The following HTRA1 variants were observed in gnomAD, a reference collection of about 807,000 sequenced individuals.
HTRA1 encodes HtrA serine peptidase 1, also known as serine protease HTRA1.
HTRA1 carries 26 observed loss-of-function variants against 49.7 expected under a neutral mutation model. The observed-to-expected ratio is 0.52, with a 90% CI of 0.38 to 0.73. The LOEUF (loss-of-function observed/expected upper bound fraction) is 0.73. Among genes scored for constraint, HTRA1 ranks in the 30% least tolerant of loss-of-function variants. The pLI is 0.00. For missense variants in HTRA1, 561 were observed against 667.2 expected (o/e 0.84, Z 1.75); for synonymous variants, 291 against 286.9 (o/e 1.01, Z -0.14).
intron 1 of HTRA1, among the ~76,000 whole-genome samples, chr10:122,477,281 A>G (rs1376535816): frequency 6.6e-6 from 1 of 152,070 alleles, no homozygotes; most frequent in African/African-American, 2.4e-5. Flanking sequence ...GTTACTTTTA[A>G]TTTAGCCATG....
intron 6 of HTRA1, among the ~76,000 whole-genome samples, chr10:122,509,229 G>A (rs986316790): frequency 6.6e-6 from 1 of 152,178 alleles, no homozygotes; most frequent in African/African-American, 2.4e-5. Context: ...GGCCTTTGCC[G>A]GTGTGACTTT....
chr10:122,490,189 C>T lies in HTRA1; in HGVS notation c.777+563C>T, dbSNP rs1318760177. Among the ~76,000 whole-genome samples the T allele has an allele frequency of 1.3e-5, 2 of 152,224 alleles. No individual in the cohort carries two copies. The highest frequency in any genetic ancestry group is 3.8e-4 in the East Asian group (2 of 5,196). ...ACAGAGCTAATGGATTTCTTCTTTCCAGACCTTCTCAGAGCTTTTAGTATG... is the reference window on the plus strand; with the variant it reads ...ACAGAGCTAATGGATTTCTTCTTTCTAGACCTTCTCAGAGCTTTTAGTATG... On this transcript the variant is annotated intron_variant, in intron 3 of 8. Transcript: ENST00000368984. The surrounding 1 kb of genome is among the most constrained non-coding windows in gnomAD (Gnocchi z 4.2).
chr10:122,473,325 C>G (rs115182788), intron 1 of HTRA1, among the ~76,000 whole-genome samples: 2 of 152,076 alleles, frequency 1.3e-5, no homozygotes, highest in Non-Finnish European at 2.9e-5. Context: ...AGCTAAGAGG[C>G]GACAGAGAAC....
rs140880378 is a variant in HTRA1, at chr10:122,490,641, T to C, written c.777+1015T>C. Among the ~76,000 whole-genome samples the C allele has an allele frequency of 3.9e-3, 593 of 152,196 alleles. 2 individuals are homozygous for C. The highest frequency in any genetic ancestry group is 0.014 in the African/African-American group (563 of 41,518). On this transcript the variant is annotated intron_variant, in intron 3 of 8. Coordinates refer to ENST00000368984, the MANE Select transcript of HTRA1 (RefSeq NM_002775.5). This position sits in a 1 kb window ranked among gnomAD's most constrained non-coding sequence, Gnocchi z 4.2. ...GGAAAAGACCAGAGGCTGAGCCAGG[T>C]GGGGTCTCTTGTCCAGCCCTCTGCT...
At chr10:122,493,955 G>T (rs147307600) in intron 3 of HTRA1, among the ~76,000 whole-genome samples, 274 of 151,696 alleles carry the variant, frequency 1.8e-3, no homozygotes, top group African/African-American at 6.4e-3. Context: ...TCCCAGGAGC[G>T]CCCCTCTCCA....
chr10:122,493,024 G>A (rs1022844816), intron 3 of HTRA1, among the ~76,000 whole-genome samples: 1 of 152,196 alleles, frequency 6.6e-6, no homozygotes. Flanking sequence ...ATCTCCAGTG[G>A]CTTGAAGTTG....
chr10:122,479,162 G>A (rs551780357), intron 1 of HTRA1, among the ~76,000 whole-genome samples: 4 of 152,346 alleles, frequency 2.6e-5, no homozygotes, highest in Non-Finnish European at 2.9e-5. Context: ...AATTGGAAGC[G>A]GGGATTGTTC....
intron 3 of HTRA1, among the ~76,000 whole-genome samples, chr10:122,502,271 C>T (rs192706482): frequency 6.2e-4 from 95 of 152,242 alleles, no homozygotes; most frequent in Non-Finnish European, 9.7e-4. Flanking sequence ...TTCTCTTTCA[C>T]GGAGGCAATG....
rs147265876 is a variant in HTRA1, at chr10:122,490,225, C to T, written c.777+599C>T. Among the ~76,000 whole-genome samples the T allele has an allele frequency of 2.6e-5, 4 of 152,294 alleles. No homozygotes were observed. Among genetic ancestry groups the T allele is most frequent in the East Asian group, 3.9e-4 (2 of 5,180 alleles). On this transcript the variant is annotated intron_variant, in intron 3 of 8. Coordinates refer to ENST00000368984, the MANE Select transcript of HTRA1 (RefSeq NM_002775.5). This position sits in a 1 kb window ranked among gnomAD's most constrained non-coding sequence, Gnocchi z 4.2. ...AGAGCTTTTAGTATGCTAGTGTGCA[C>T]GTGGCTTGCCTACAAAAGGGTGTTG...
Position 122,509,562 on chromosome 10 carries a change from G to A in HTRA1, c.1121-534G>A, listed in dbSNP as rs760028918. Among the ~76,000 whole-genome samples the A allele has an allele frequency of 3.3e-5, 5 of 152,212 alleles. No individual in the cohort carries two copies. The East Asian group carries it at 9.6e-4, about 29-fold the overall frequency. On this transcript the variant is annotated intron_variant, in intron 6 of 8. Transcript: ENST00000368984. ...CCCGGGGTGGAAAGAGGCCAAGGCC[G>A]GGCGAGCAGGCTCACAGCAGGCCGT...
At chr10:122,499,155 G>A (rs2097499904) in intron 3 of HTRA1, among the ~76,000 whole-genome samples, 1 of 152,190 alleles carries the variant, frequency 6.6e-6, no homozygotes, top group Non-Finnish European at 1.5e-5. Flanking sequence ...AGTGTCCTTG[G>A]GGTCATCCAT....
At chr10:122,484,927 T>C (rs1415779339) in intron 1 of HTRA1, among the ~76,000 whole-genome samples, 3 of 152,152 alleles carry the variant, frequency 2.0e-5, no homozygotes, top group Non-Finnish European at 4.4e-5. Context: ...CCTGGGCCCA[T>C]CTATGGGAAT....
chr10:122,513,125 T>C (rs1199462256), intron 8 of HTRA1, among the ~76,000 whole-genome samples: 1 of 152,182 alleles, frequency 6.6e-6, no homozygotes, highest in Non-Finnish European at 1.5e-5. Flanking sequence ...CTAAAATATT[T>C]CCTATGGAGC....
chr10:122,507,026 C>A, intron 4 of HTRA1, 141 bp downstream of exon 4: 1 of 800,466 alleles, frequency 1.2e-6, no homozygotes, highest in Non-Finnish European at 2.1e-6. Flanking sequence ...GATTCTAGTG[C>A]CAGCAGCATG....
chr10:122,462,083 G>T lies in HTRA1; in HGVS notation c.431G>T (p.Arg144Leu). 6.5e-7 allele frequency: 1 copy of T among 1,535,114 alleles called. No individual in the cohort carries two copies. The highest frequency in any genetic ancestry group is 8.7e-7 in the Non-Finnish European group (1 of 1,147,112). ...AGCCGCCGCTCCGAGAGGCTGCACC[G>T]GCCGCCGGTCATCGTCCTGCAGCGC... Reference protein sequence around the residue: ...AASRRSERLHRPPVIVLQRGA... With the variant: ...AASRRSERLHLPPVIVLQRGA... Residue 144 changes from arginine (R) to leucine (L), a missense_variant, in exon 1 of 9, where the codon CGG (arginine) becomes CTG (leucine). Transcript: ENST00000368984.
intron 1 of HTRA1, among the ~76,000 whole-genome samples, chr10:122,473,756 C>G (rs1022778081): frequency 6.6e-6 from 1 of 152,140 alleles, no homozygotes; most frequent in African/African-American, 2.4e-5. Flanking sequence ...TCTGCCCAGC[C>G]CTAGGAAACC....
intron 1 of HTRA1, among the ~76,000 whole-genome samples, chr10:122,463,941 GCCAGGCTGGTGGCCCAGAGTC>G (rs946478157): frequency 2.4e-4 from 37 of 152,330 alleles, no homozygotes; most frequent in African/African-American, 8.9e-4. Context: ...GCAGGAGTGA[GCCAGGCTGGTGGCCCAGAGTC>G]CCAGGGCTGA....
chr10:122,483,028 C>T (rs1394066175), intron 1 of HTRA1, among the ~76,000 whole-genome samples: 1 of 150,208 alleles, frequency 6.7e-6, no homozygotes, highest in Admixed American at 6.6e-5. Context: ...CTGTGATTTT[C>T]ATTTTTACTG....
chr10:122,509,207 G>A (rs2097504479), intron 6 of HTRA1, among the ~76,000 whole-genome samples: 1 of 152,150 alleles, frequency 6.6e-6, no homozygotes, highest in African/African-American at 2.4e-5. Flanking sequence ...CTGGGGCCTG[G>A]GGCTCAACAG....
Sources: gnomAD v4.1 joint callset for allele counts (sites outside exome capture counted in the v4.1 genomes callset) on GRCh38, gnomAD v4.1.1 for gene constraint, Gnocchi (gnomAD v3.1) non-coding constraint, MANE v1.5 for transcripts, NCBI Gene and HGNC (gene_info 2026-07-23, HGNC 2026-07-21) for gene names.